Variants in BRIP1 observed in about 807,000 individuals in gnomAD.
The protein encoded by BRIP1 is Fanconi anemia group J protein.
Under a neutral mutation model 119.7 loss-of-function variants are expected in BRIP1, and 88 were observed. The ratio of observed to expected loss-of-function variants is 0.74; its 90% CI spans 0.62 to 0.88. The LOEUF (loss-of-function observed/expected upper bound fraction) is 0.88. Ranked by LOEUF, BRIP1 falls within the 40% of genes least tolerant of loss-of-function variation. BRIP1 has a pLI of 0.00. For missense variants in BRIP1, 1,259 were observed against 1,455.4 expected (o/e 0.87, Z 2.20); for synonymous variants, 443 against 496.5 (o/e 0.89, Z 1.43).
chr17:61,689,827 A>G lies in BRIP1; in HGVS notation c.2575+3603T>C, dbSNP rs2061421845. On this transcript the variant is annotated intron_variant, in intron 18 of 19. Transcript: ENST00000259008. The surrounding 1 kb of genome is among the most constrained non-coding windows in gnomAD (Gnocchi z 4.5). ...GGAGTTTGAGATTAGCCTGGGCAAC[A>G]TAGTGAGACCCCATCTCTACAAAAA... Among the ~76,000 whole-genome samples, 1 of 152,158 alleles carries G rather than the reference A, an allele frequency of 6.6e-6. No individual in the cohort carries two copies. The highest frequency in any genetic ancestry group is 2.4e-5 in the African/African-American group (1 of 41,446).
rs2061437298 is a variant in BRIP1, at chr17:61,690,883, A to G, written c.2575+2547T>C. Among the ~76,000 whole-genome samples, 1 of 152,198 alleles carries G rather than the reference A, an allele frequency of 6.6e-6. No homozygotes were observed. On this transcript the variant is annotated intron_variant, in intron 18 of 19. Coordinates refer to ENST00000259008, the MANE Select transcript of BRIP1 (RefSeq NM_032043.3). This position sits in a 1 kb window ranked among gnomAD's most constrained non-coding sequence, Gnocchi z 5.6. ...ATGTACAACAATCACTTGCAATTCT[A>G]TACACTAAAAACAACCAAAAGAGGA...
chr17:61,784,466 G>A (rs1170862114), intron 10 of BRIP1, 42 bp from the exon 11 acceptor site: 1 of 1,556,006 alleles, frequency 6.4e-7, no homozygotes, highest in South Asian at 1.2e-5. Flanking sequence ...GGTTGGGAGG[G>A]AATTGGAAAA....
At chr17:61,727,788 CTCTATATA>C (rs971297485) in intron 16 of BRIP1, among the ~76,000 whole-genome samples, 34 of 145,410 alleles carry the variant, frequency 2.3e-4, no homozygotes, top group Non-Finnish European at 4.5e-4. Context: ...CTCTCTCTCT[CTCTATATA>C]TATATATATA....
Position 61,860,001 on chromosome 17 carries a change from G to A in BRIP1, c.94-94C>T. On this transcript the variant is annotated intron_variant, in intron 2 of 19. Coordinates refer to ENST00000259008, the MANE Select transcript of BRIP1 (RefSeq NM_032043.3). The surrounding 1 kb of genome is among the most constrained non-coding windows in gnomAD (Gnocchi z 4.1). Reference sequence around the variant, plus strand: ...TTTAAATAGAACAGCAAGGAAAAGTGAGATTGCACTCCAGGGAACACAACA... The same window carrying A: ...TTTAAATAGAACAGCAAGGAAAAGTAAGATTGCACTCCAGGGAACACAACA... 2 of 832,706 alleles carry A rather than the reference G, an allele frequency of 2.4e-6. No individual in the cohort carries two copies. The highest frequency in any genetic ancestry group is 4.0e-6 in the Non-Finnish European group (2 of 494,560). The allele number at this position is 832,706 out of a possible 1,614,324, so 51.6% of individuals were successfully genotyped here.
intron 10 of BRIP1, among the ~76,000 whole-genome samples, chr17:61,786,210 G>A (rs183938539): frequency 3.2e-3 from 486 of 152,076 alleles, no homozygotes; most frequent in African/African-American, 0.011. Context: ...GTGTGTGTGT[G>A]TGTGACAGAG....
In BRIP1 at chr17:61,754,891, C is replaced by T. The variant is rs2890021; in HGVS notation, c.2098-10300G>A. On this transcript the variant is annotated intron_variant, in intron 14 of 19. Coordinates refer to ENST00000259008, the MANE Select transcript of BRIP1 (RefSeq NM_032043.3). The surrounding 1 kb of genome is among the most constrained non-coding windows in gnomAD (Gnocchi z 4.1). ...GAAGGCCCTTACAGCCTCATTTAAC[C>T]GCAATTACTTCCTTAGAGGCCCCAT... is the stretch of plus-strand genomic sequence containing the variant. 0.79 allele frequency among the ~76,000 whole-genome samples: 120,076 copies of T among 152,078 alleles called. 48,062 individuals are homozygous for T. Among genetic ancestry groups the T allele is most frequent in the African/African-American group, 0.89 (36,960 of 41,498 alleles).
rs1241098943 is a variant in BRIP1 at position 61,798,030 on chromosome 17, A to C, written c.1340+1070T>G. On this transcript the variant is annotated intron_variant, in intron 9 of 19. Coordinates refer to ENST00000259008, the MANE Select transcript of BRIP1 (RefSeq NM_032043.3). This position sits in a 1 kb window ranked among gnomAD's most constrained non-coding sequence, Gnocchi z 5.5. Reference sequence around the variant, plus strand: ...AATATGTCTATGCTTTCACCCAACAATTCCACTTCTAAAAAGATTCCTATA... The same window carrying C: ...AATATGTCTATGCTTTCACCCAACACTTCCACTTCTAAAAAGATTCCTATA... 1.3e-5 allele frequency among the ~76,000 whole-genome samples: 2 copies of C among 152,044 alleles called. No individual in the cohort carries two copies. Among genetic ancestry groups the C allele is most frequent in the African/African-American group, 4.8e-5 (2 of 41,432 alleles).
At position 61,709,081 on chromosome 17, in the gene BRIP1, T is replaced by G. The variant is rs901470863; in HGVS notation, c.2492+6870A>C. ...GGAGGCTAATTGTTTCTTATACTAA[T>G]TTGCAACCAAGCCACCTGTTTTTAA... On this transcript the variant is annotated intron_variant, in intron 17 of 19. Coordinates refer to ENST00000259008, the MANE Select transcript of BRIP1 (RefSeq NM_032043.3). The surrounding 1 kb of genome is among the most constrained non-coding windows in gnomAD (Gnocchi z 5.0). Among the ~76,000 whole-genome samples the G allele has an allele frequency of 1.3e-5, 2 of 152,242 alleles. No individual in the cohort carries two copies. The highest frequency in any genetic ancestry group is 4.8e-5 in the African/African-American group (2 of 41,468).
intron 6 of BRIP1, among the ~76,000 whole-genome samples, chr17:61,813,176 T>A (rs1391836191): frequency 6.6e-6 from 1 of 151,476 alleles, no homozygotes; most frequent in Non-Finnish European, 1.5e-5. Context: ...AAACTAAGTA[T>A]ATAAAGAAGT....
intron 6 of BRIP1, among the ~76,000 whole-genome samples, chr17:61,811,085 GAAT>G (rs1471342500): frequency 6.6e-6 from 1 of 152,068 alleles, no homozygotes; most frequent in East Asian, 1.9e-4. Flanking sequence ...CCATAATTCA[GAAT>G]ATTATAAACC....
intron 6 of BRIP1, among the ~76,000 whole-genome samples, chr17:61,811,958 T>C (rs2078169067): frequency 6.6e-6 from 1 of 151,808 alleles, no homozygotes; most frequent in Non-Finnish European, 1.5e-5. Context: ...TCTCAAAAAA[T>C]AAATAAATAA....
rs1401429048 is a variant in BRIP1, at chr17:61,700,319, A to C, written c.2493-6807T>G. On this transcript the variant is annotated intron_variant, in intron 17 of 19. Transcript: ENST00000259008. The surrounding 1 kb of genome is among the most constrained non-coding windows in gnomAD (Gnocchi z 4.1). ...TTATTTCATCGTGTGCATCTGACTT[A>C]CTTCCTAATATCCTTTCATTTCAGC... Among the ~76,000 whole-genome samples, 3 of 152,348 alleles carry C rather than the reference A, an allele frequency of 2.0e-5. No homozygotes were observed. Among genetic ancestry groups the C allele is most frequent in the South Asian group, 2.1e-4 (1 of 4,830 alleles).
Position 61,804,446 on chromosome 17 carries a change from G to GTA in BRIP1, c.919-2974_919-2973dup, listed in dbSNP as rs10678707. On this transcript the variant is annotated intron_variant, in intron 7 of 19. Transcript: ENST00000259008. This position sits in a 1 kb window ranked among gnomAD's most constrained non-coding sequence, Gnocchi z 4.5. ...TGTGTGTGTGTGTGTGTGTGTGTGT[G>GTA]TATGTGTGTGTACATACACATACAT... Among the ~76,000 whole-genome samples, 53,239 of 140,468 alleles carry GTA rather than the reference G, an allele frequency of 0.38. 11,359 individuals are homozygous for GTA. The highest frequency in any genetic ancestry group is 0.56 in the East Asian group (2,725 of 4,890). 92.2% of individuals were successfully genotyped at this position (140,468 alleles called of 152,430 possible).
intron 17 of BRIP1, among the ~76,000 whole-genome samples, chr17:61,711,641 G>A (rs2061776294): frequency 6.6e-6 from 1 of 152,100 alleles, no homozygotes; most frequent in African/African-American, 2.4e-5. Flanking sequence ...GCCTGAAGCA[G>A]GAGGATCACT....
At position 61,761,320 on chromosome 17, in the gene BRIP1, A is replaced by T. The variant is rs2077273820; in HGVS notation, c.2097+15081T>A. On this transcript the variant is annotated intron_variant, in intron 14 of 19. Coordinates refer to ENST00000259008, the MANE Select transcript of BRIP1 (RefSeq NM_032043.3). This position sits in a 1 kb window ranked among gnomAD's most constrained non-coding sequence, Gnocchi z 6.4. Reference sequence around the variant, plus strand: ...TAACATTATATTCAATGGTGAAAAAATTGAAAGCCTTACCTCTAAGATCTG... The same window carrying T: ...TAACATTATATTCAATGGTGAAAAATTTGAAAGCCTTACCTCTAAGATCTG... Among the ~76,000 whole-genome samples, 1 of 152,014 alleles carries T rather than the reference A, an allele frequency of 6.6e-6. No homozygotes were observed. The highest frequency in any genetic ancestry group is 6.6e-5 in the Admixed American group (1 of 15,240).
chr17:61,806,427 A>G lies in BRIP1; in HGVS notation c.918+2040T>C, dbSNP rs1242316752. On this transcript the variant is annotated intron_variant, in intron 7 of 19. Coordinates refer to ENST00000259008, the MANE Select transcript of BRIP1 (RefSeq NM_032043.3). The surrounding 1 kb of genome is among the most constrained non-coding windows in gnomAD (Gnocchi z 4.9). ...TTAGGTCAAGACAAACCACAAGCAGATATCTTCAATTATTCATATTACTAA... is the reference window on the plus strand; with the variant it reads ...TTAGGTCAAGACAAACCACAAGCAGGTATCTTCAATTATTCATATTACTAA... 6.6e-6 allele frequency among the ~76,000 whole-genome samples: 1 copy of G among 152,196 alleles called. No homozygotes were observed. The highest frequency in any genetic ancestry group is 1.5e-5 in the Non-Finnish European group (1 of 68,030).
rs192413728 is a variant in BRIP1 at position 61,757,808 on chromosome 17, T to C, written c.2098-13217A>G. Among the ~76,000 whole-genome samples the C allele has an allele frequency of 7.9e-5, 12 of 152,086 alleles. No homozygotes were observed. Among genetic ancestry groups the C allele is most frequent in the African/African-American group, 2.6e-4 (11 of 41,518 alleles). The stretch of plus-strand genomic sequence containing the variant: ...TGAGCTCAGGATTTCAAGACCAGCC[T>C]GGGCAACATGGCTAAACCCCATCTC... On this transcript the variant is annotated intron_variant, in intron 14 of 19. Transcript: ENST00000259008. The surrounding 1 kb of genome is among the most constrained non-coding windows in gnomAD (Gnocchi z 4.3).
At chr17:61,863,116 C>T (rs931738146) in intron 1 of BRIP1, among the ~76,000 whole-genome samples, 168 bp downstream of exon 1, 3 of 152,116 alleles carry the variant, frequency 2.0e-5, no homozygotes, top group Non-Finnish European at 2.9e-5. Context: ...CAGGCCTGCG[C>T]TCAAAGGAGG....
In BRIP1 at chr17:61,684,163, G is replaced by C. The variant is rs774545364; in HGVS notation, c.2906-23C>G. 2.7e-5 allele frequency: 43 copies of C among 1,609,924 alleles called. No homozygotes were observed. The East Asian group carries it at 9.1e-4, about 34-fold the overall frequency. On this transcript the variant is annotated intron_variant, in intron 19 of 19. Transcript: ENST00000259008. The surrounding 1 kb of genome is among the most constrained non-coding windows in gnomAD (Gnocchi z 4.5). The stretch of plus-strand genomic sequence containing the variant: ...CATCTAAGAATACAAGAATTTAAGA[G>C]ATTTAACTTTCTGCTCCTAGCTAAC...
Sources: allele counts gnomAD v4.1 joint callset (sites outside exome capture counted in the v4.1 genomes callset), GRCh38; gene constraint gnomAD v4.1.1; non-coding constraint Gnocchi (gnomAD v3.1); transcripts MANE v1.5; gene names NCBI Gene and HGNC (gene_info 2026-07-23, HGNC 2026-07-21).